COA1: variants seen among roughly 807,000 people sequenced by gnomAD.
COA1 encodes the protein cytochrome c oxidase assembly factor 1.
COA1 carries 13 observed loss-of-function variants against 16.0 expected under a neutral mutation model. That is an observed-to-expected ratio of 0.81 (90% confidence interval 0.53 to 1.29). The LOEUF (loss-of-function observed/expected upper bound fraction) is 1.29, where lower values mean the gene tolerates loss of function less well. Ranked by LOEUF, COA1 falls within the 50% of genes most tolerant of loss-of-function variation. The pLI is 0.00. For missense variants in COA1, 179 were observed against 177.0 expected (o/e 1.01, Z -0.06); for synonymous variants, 65 against 65.7 (o/e 0.99, Z 0.05).
chr7:43,671,366 T>A (rs1373529711), intron 1 of COA1, among the ~76,000 whole-genome samples: 1 of 151,126 alleles, frequency 6.6e-6, no homozygotes, highest in Non-Finnish European at 1.5e-5. Flanking sequence ...AAGCAAATCA[T>A]ATATTTGGCA....
chr7:43,720,592 T>C (rs935834511), intron 1 of COA1, among the ~76,000 whole-genome samples: 1 of 152,180 alleles, frequency 6.6e-6, no homozygotes, highest in African/African-American at 2.4e-5. Flanking sequence ...GGAAGCAGTA[T>C]ATCTAGGTGA....
At position 43,647,591 on chromosome 7, in the gene COA1, A is replaced by T; in HGVS notation, c.59T>A (p.Leu20His). Residue 20 changes from leucine to histidine, a missense_variant, in exon 3 of 6, where the codon CTT becomes CAT. Physicochemically the swap from Leu to His is moderately conservative, Grantham distance 99. Coordinates refer to ENST00000223336, the MANE Select transcript of COA1 (RefSeq NM_018224.4). Reference sequence around the variant, plus strand: ...CCCGGCATAGAACACACCGTGGAAAAGGATCCTTGCTCCCAGAGGCATTGA... The same window carrying T: ...CCCGGCATAGAACACACCGTGGAAATGGATCCTTGCTCCCAGAGGCATTGA... The part of the protein sequence containing the change: ...RRSMPLGARI[L>H]FHGVFYAGGF... 6.2e-7 allele frequency: 1 copy of T among 1,614,028 alleles called. No homozygotes were observed. Among genetic ancestry groups the T allele is most frequent in the African/African-American group, 1.3e-5 (1 of 75,070 alleles).
At chr7:43,674,411 A>G (rs2093416849) in intron 1 of COA1, among the ~76,000 whole-genome samples, 1 of 152,244 alleles carries the variant, frequency 6.6e-6, no homozygotes, top group African/African-American at 2.4e-5. Flanking sequence ...CATGTTCCAT[A>G]TAATACAACG....
At chr7:43,691,633 C>T (rs1016412925) in intron 1 of COA1, among the ~76,000 whole-genome samples, 2 of 152,128 alleles carry the variant, frequency 1.3e-5, no homozygotes, top group Admixed American at 1.3e-4. Flanking sequence ...AAAAATTACA[C>T]TAGACCTCAG....
intron 4 of COA1, among the ~76,000 whole-genome samples, chr7:43,644,789 G>GAGAGACAGAGAGA (rs1442537142): frequency 2.6e-4 from 27 of 104,448 alleles, no homozygotes; most frequent in African/African-American, 4.9e-4. Context: ...CAGGCAGGCA[G>GAGAGACAGAGAGA]GCAGAGAGAC....
chr7:43,616,754 G>A (rs988023232), intron 6 of COA1, among the ~76,000 whole-genome samples: 3 of 151,866 alleles, frequency 2.0e-5, no homozygotes, highest in Non-Finnish European at 4.4e-5. Flanking sequence ...AAAATTAGCC[G>A]GGCGTGGTGG....
At chr7:43,718,990 G>C (rs938465177) in intron 1 of COA1, among the ~76,000 whole-genome samples, 2 of 115,618 alleles carry the variant, frequency 1.7e-5, no homozygotes, top group African/African-American at 3.3e-5. Context: ...TTTTTTTTTT[G>C]AGATGGAGTC....
chr7:43,679,264 C>CAAAAAAA (rs10618048), intron 1 of COA1, among the ~76,000 whole-genome samples: 1 of 84,122 alleles, frequency 1.2e-5, no homozygotes, highest in Non-Finnish European at 2.2e-5. Flanking sequence ...AACTCCATTG[C>CAAAAAAA]AAAAAAAAAA....
At chr7:43,638,049 CTG>C (rs375025838), downstream of COA1, among the ~76,000 whole-genome samples, 298 of 152,194 alleles carry the variant, frequency 2.0e-3, no homozygotes, top group African/African-American at 6.9e-3. Context: ...TTTTAAAAGA[CTG>C]TAGAGATTGG....
intron 4 of COA1, chr7:43,642,075 AAC>A (rs1402327216): frequency 5.9e-5 from 9 of 152,176 alleles, no homozygotes; most frequent in Non-Finnish European, 1.2e-4. Context: ...GTGCTTTCCA[AAC>A]ACACCTGAAG....
intron 6 of COA1, among the ~76,000 whole-genome samples, chr7:43,614,941 T>C (rs1303854514): frequency 6.6e-6 from 1 of 152,178 alleles, no homozygotes; most frequent in Admixed American, 6.5e-5. Flanking sequence ...TTAAACTATT[T>C]TAAGGGAACA....
intron 4 of COA1, among the ~76,000 whole-genome samples, chr7:43,644,677 C>T (rs2088234910): frequency 6.9e-6 from 1 of 144,332 alleles, no homozygotes; most frequent in African/African-American, 2.6e-5. Context: ...TAGGTGTGCA[C>T]TATCACGCCT....
intron 1 of COA1, among the ~76,000 whole-genome samples, chr7:43,652,011 A>C (rs1327714589): frequency 6.6e-6 from 1 of 152,226 alleles, no homozygotes; most frequent in African/African-American, 2.4e-5. Context: ...CAAACAAACA[A>C]GACAGATGTC....
At chr7:43,638,566 C>CTTTTTTTTTTTTTTTTTTTTTTTTTT (rs746584234), downstream of COA1, among the ~76,000 whole-genome samples, 3 of 97,424 alleles carry the variant, frequency 3.1e-5, 1 homozygote, top group Non-Finnish European at 6.4e-5. Flanking sequence ...TTTTTCTTTC[C>CTTTTTTTTTTTTTTTTTTTTTTTTTT]TTTTTTTTTT....
At position 43,691,336 on chromosome 7, in the gene COA1, AGAGAGAGG is replaced by A. The variant is rs1290887874; in HGVS notation, c.-39+38085_-39+38092del. ...AAGAAAGAAAGAAAGAAAGAGAAAG[AGAGAGAGG>A]GAGGGAGGGAGGGAGGGAGGGAGGG... On this transcript the variant is annotated intron_variant, in intron 1 of 5. Transcript: ENST00000223336. Among the ~76,000 whole-genome samples, 39 of 37,424 alleles carry A rather than the reference AGAGAGAGG, an allele frequency of 1.0e-3. 1 individual carries two copies. Among genetic ancestry groups the A allele is most frequent in the African/African-American group, 4.7e-3 (34 of 7,280 alleles). The allele number at this position is 37,424 out of a possible 152,430, so 24.6% of individuals were successfully genotyped here. A position where few individuals can be genotyped will look rare whatever the true frequency, so the allele number is the denominator to read the frequency against.
intron 1 of COA1, chr7:43,649,756 T>G (rs1217135490): frequency 6.6e-6 from 1 of 152,264 alleles, no homozygotes; most frequent in Non-Finnish European, 1.5e-5. Context: ...TTAAGACAGT[T>G]TGCCAACAGT....
intron 1 of COA1, among the ~76,000 whole-genome samples, chr7:43,718,738 G>C (rs1192914999): frequency 6.6e-6 from 1 of 152,124 alleles, no homozygotes; most frequent in Non-Finnish European, 1.5e-5. Flanking sequence ...GCTACTTCTT[G>C]AGCTTTATGA....
intron 1 of COA1, among the ~76,000 whole-genome samples, chr7:43,689,117 AC>A (rs1318239673): frequency 6.6e-6 from 1 of 152,146 alleles, no homozygotes; most frequent in Non-Finnish European, 1.5e-5. Context: ...CACAACCATC[AC>A]CTTTGCCTGG....
chr7:43,697,140 A>AAAAAACG (rs1013732277), intron 1 of COA1, among the ~76,000 whole-genome samples: 1 of 151,800 alleles, frequency 6.6e-6, no homozygotes, highest in African/African-American at 2.4e-5. Flanking sequence ...AACAAAAAAC[A>AAAAAACG]AATAAAAAAA....
Sources: gnomAD v4.1 joint callset for allele counts (sites outside exome capture counted in the v4.1 genomes callset) on GRCh38, gnomAD v4.1.1 for gene constraint, MANE v1.5 for transcripts, NCBI Gene and HGNC (gene_info 2026-07-23, HGNC 2026-07-21) for gene names.